The following TMC7 variants were observed in gnomAD, a reference collection of about 807,000 sequenced individuals.
TMC7 encodes the protein transmembrane channel-like protein 7.
TMC7 carries 54 observed loss-of-function variants against 82.9 expected under a neutral mutation model. The observed-to-expected ratio is 0.65, with a 90% CI of 0.52 to 0.82. TMC7 has a LOEUF of 0.82. TMC7 is among the 40% of genes least tolerant of loss of function. TMC7 has a pLI of 0.00. For missense variants in TMC7, 820 were observed against 901.2 expected, an observed-to-expected ratio of 0.91 and a Z score of 1.15; for synonymous variants, 350 against 337.9, an observed-to-expected ratio of 1.04 and a Z score of -0.39.
intron 1 of TMC7, among the ~76,000 whole-genome samples, chr16:18,994,326 T>C (rs912515158): frequency 3.3e-5 from 5 of 152,030 alleles, no homozygotes; most frequent in African/African-American, 9.7e-5. Flanking sequence ...ATGAGGGCTA[T>C]GCGAAAACAG....
intron 5 of TMC7, among the ~76,000 whole-genome samples, chr16:19,027,592 A>G (rs1392046237): frequency 2.6e-5 from 4 of 152,082 alleles, no homozygotes; most frequent in Admixed American, 2.0e-4. Flanking sequence ...TAATTGTTAC[A>G]TTATTTTTAG....
intron 12 of TMC7, among the ~76,000 whole-genome samples, chr16:19,050,258 C>G (rs1316301541): frequency 6.6e-6 from 1 of 150,458 alleles, no homozygotes; most frequent in Non-Finnish European, 1.5e-5. Flanking sequence ...GTAGTCCCAG[C>G]TACTCGGGAG....
Position 19,062,126 on chromosome 16 carries a change from A to C in TMC7, c.*283A>C, listed in dbSNP as rs1962034855. 2 of 361,752 alleles carry C rather than the reference A, an allele frequency of 5.5e-6. No individual in the cohort carries two copies. The highest frequency in any genetic ancestry group is 4.1e-5 in the African/African-American group (2 of 48,224). 22.4% of individuals were successfully genotyped at this position (361,752 alleles called of 1,614,324 possible). A position where few individuals can be genotyped will look rare whatever the true frequency, so the allele number is the denominator to read the frequency against. On this transcript the variant is annotated 3_prime_UTR_variant, in exon 16 of 16. Transcript: ENST00000304381. ...AGCCATTCAAGCTTTTACAAGAATG[A>C]AAGAGCGGAGACGGTAGTTTAGTAT...
Position 19,037,866 on chromosome 16 carries a change from A to C in TMC7, c.1006-8A>C. 6.2e-7 allele frequency: 1 copy of C among 1,609,252 alleles called. No homozygotes were observed. The highest frequency in any genetic ancestry group is 8.5e-7 in the Non-Finnish European group (1 of 1,178,332). ...ACTGCTCACAAGTGAATTTTCTTTT[A>C]TCTTCAGGCAGATCTGGAGGAAGAA... On this transcript the variant is annotated splice_polypyrimidine_tract_variant and splice_region_variant and intron_variant, in intron 7 of 15. Coordinates refer to ENST00000304381, the MANE Select transcript of TMC7 (RefSeq NM_024847.4).
intron 1 of TMC7, among the ~76,000 whole-genome samples, chr16:18,994,247 G>C (rs1340852979): frequency 6.6e-6 from 1 of 152,028 alleles, no homozygotes; most frequent in African/African-American, 2.4e-5. Context: ...AGAGTAAGTG[G>C]AGCATAGTTT....
intron 5 of TMC7, 75 bp downstream of exon 5, chr16:19,023,270 A>G: frequency 1.0e-6 from 1 of 973,778 alleles, no homozygotes; most frequent in Admixed American, 2.4e-5. Context: ...TCAGTTTCCC[A>G]AATTTCTGCA....
intron 12 of TMC7, among the ~76,000 whole-genome samples, chr16:19,051,048 A>G (rs1961514848): frequency 6.6e-6 from 1 of 152,110 alleles, no homozygotes; most frequent in Non-Finnish European, 1.5e-5. Flanking sequence ...TGTCTCACGC[A>G]GCCACGAGCC....
Position 19,062,133 on chromosome 16 carries a change from G to A in TMC7, c.*290G>A, listed in dbSNP as rs575087409. On this transcript the variant is annotated 3_prime_UTR_variant, in exon 16 of 16. Transcript: ENST00000304381. ...CAAGCTTTTACAAGAATGAAAGAGC[G>A]GAGACGGTAGTTTAGTATTTGAGCC... 47 of 336,642 alleles carry A rather than the reference G, an allele frequency of 1.4e-4. 1 individual carries two copies. Among genetic ancestry groups the A allele is most frequent in the African/African-American group, 4.2e-4 (20 of 47,620 alleles). The allele number at this position is 336,642 out of a possible 1,614,324, so 20.9% of individuals were successfully genotyped here. A position where few individuals can be genotyped will look rare whatever the true frequency, so the allele number is the denominator to read the frequency against.
At chr16:19,059,810 C>T (rs1311017829) in intron 15 of TMC7, 4 of 772,468 alleles carry the variant, frequency 5.2e-6, no homozygotes, top group Non-Finnish European at 8.0e-6. Context: ...AACCCCGTCT[C>T]TACTAAAAAT....
intron 6 of TMC7, among the ~76,000 whole-genome samples, chr16:19,031,373 A>C (rs1960509193): frequency 6.6e-6 from 1 of 152,226 alleles, no homozygotes; most frequent in Non-Finnish European, 1.5e-5. Flanking sequence ...CTGGGGTCCT[A>C]TGACAACATG....
intron 4 of TMC7, among the ~76,000 whole-genome samples, chr16:19,022,821 G>C (rs959267898): frequency 2.6e-5 from 4 of 152,194 alleles, no homozygotes; most frequent in Non-Finnish European, 4.4e-5. Flanking sequence ...CTGAGGTCAG[G>C]AGTTCAAGAC....
At chr16:19,023,861 A>G (rs1489050423) in intron 5 of TMC7, among the ~76,000 whole-genome samples, 3 of 152,236 alleles carry the variant, frequency 2.0e-5, no homozygotes, top group Non-Finnish European at 4.4e-5. Context: ...GACACCGATA[A>G]ACCCCAACAT....
chr16:18,999,834 G>A (rs1302640573), intron 1 of TMC7, among the ~76,000 whole-genome samples: 1 of 152,084 alleles, frequency 6.6e-6, no homozygotes, highest in Non-Finnish European at 1.5e-5. Context: ...CGCGATCTCG[G>A]CTCACTGCAA....
intron 8 of TMC7, among the ~76,000 whole-genome samples, chr16:19,040,009 G>A (rs928781935): frequency 2.0e-5 from 3 of 151,426 alleles, no homozygotes; most frequent in East Asian, 2.0e-4. Flanking sequence ...CCAGCTACTC[G>A]GGAGGCTGAG....
intron 2 of TMC7, among the ~76,000 whole-genome samples, chr16:19,014,166 G>T (rs373971809): frequency 6.6e-6 from 1 of 151,950 alleles, no homozygotes; most frequent in African/African-American, 2.4e-5. Context: ...ACACCTGGCC[G>T]CACTCTTGCT....
chr16:19,006,838 A>G (rs569963334), intron 1 of TMC7, among the ~76,000 whole-genome samples: 27 of 152,108 alleles, frequency 1.8e-4, no homozygotes, highest in African/African-American at 4.8e-4. Flanking sequence ...CTTTTTTGAG[A>G]CAAAGTCTTG....
intron 14 of TMC7, among the ~76,000 whole-genome samples, chr16:19,058,869 A>C (rs896279829): frequency 6.6e-6 from 1 of 151,846 alleles, no homozygotes; most frequent in Non-Finnish European, 1.5e-5. Flanking sequence ...ATGTCTGGCT[A>C]ATTTTACATT....
chr16:19,005,279 T>C (rs1359269664), intron 1 of TMC7, among the ~76,000 whole-genome samples: 1 of 151,914 alleles, frequency 6.6e-6, no homozygotes, highest in East Asian at 1.9e-4. Flanking sequence ...TTAGTAGAGA[T>C]GGGGTTTCAC....
chr16:19,044,230 C>T (rs975037387), intron 9 of TMC7, among the ~76,000 whole-genome samples: 1 of 152,068 alleles, frequency 6.6e-6, no homozygotes, highest in Non-Finnish European at 1.5e-5. Flanking sequence ...AGTACAGTGG[C>T]TGAATCTCCG....
Sources: gnomAD v4.1 joint callset for allele counts (sites outside exome capture counted in the v4.1 genomes callset) on GRCh38, gnomAD v4.1.1 for gene constraint, MANE v1.5 for transcripts, NCBI Gene and HGNC (gene_info 2026-07-23, HGNC 2026-07-21) for gene names.